Variants in NRXN3 observed in about 807,000 individuals in gnomAD.
The protein encoded by NRXN3 is neurexin III.
In NRXN3, 32 loss-of-function variants were observed where a neutral mutation model predicts 137.6. The observed-to-expected ratio is 0.23, with a 90% CI of 0.18 to 0.31. The LOEUF (loss-of-function observed/expected upper bound fraction) is 0.31, where lower values mean the gene tolerates loss of function less well. Ranked by LOEUF, NRXN3 falls within the 10% of genes least tolerant of loss-of-function variation. The pLI, the probability that NRXN3 is intolerant of heterozygous loss-of-function variation, is 1.00. For synonymous variants in NRXN3, 798 were observed against 784.5 expected, an observed-to-expected ratio of 1.02 and a Z score of -0.29; for missense variants, 1,574 against 2,062.5, an observed-to-expected ratio of 0.76 and a Z score of 4.59.
At chr14:78,889,025 C>A (rs1392134071) in intron 10 of NRXN3, among the ~76,000 whole-genome samples, 1 of 151,894 alleles carries the variant, frequency 6.6e-6, no homozygotes, top group Non-Finnish European at 1.5e-5. Context: ...TTGATTATGT[C>A]AGATGGAATC....
chr14:79,279,765 T>C, intron 15 of NRXN3: 1 of 988,268 alleles, frequency 1.0e-6, no homozygotes, highest in Non-Finnish European at 1.2e-6. Context: ...AGCCCCCTTT[T>C]GCCTGGCAGT....
At chr14:78,373,420 G>T (rs1197558313) in intron 4 of NRXN3, among the ~76,000 whole-genome samples, 1 of 152,216 alleles carries the variant, frequency 6.6e-6, no homozygotes, top group Non-Finnish European at 1.5e-5. Context: ...TATTCCACCT[G>T]TGTGGAGATA....
At chr14:78,816,513 C>A (rs74964814) in intron 10 of NRXN3, among the ~76,000 whole-genome samples, 2,488 of 152,132 alleles carry the variant, frequency 0.016, 74 homozygotes, top group African/African-American at 0.057. Context: ...GTCTAATAGC[C>A]ACATAACATT....
At chr14:79,307,164 ATGGG>A (rs1333762618) in intron 15 of NRXN3, among the ~76,000 whole-genome samples, 1 of 152,024 alleles carries the variant, frequency 6.6e-6, no homozygotes, top group Non-Finnish European at 1.5e-5. Context: ...CTCCTTATTC[ATGGG>A]TTTTATTACT....
At chr14:79,275,695 C>T (rs74067956) in intron 15 of NRXN3, among the ~76,000 whole-genome samples, 2,661 of 151,796 alleles carry the variant, frequency 0.018, 80 homozygotes, top group African/African-American at 0.06. Flanking sequence ...AAGATGCTCA[C>T]ACCTTACCCT....
intron 10 of NRXN3, among the ~76,000 whole-genome samples, chr14:78,897,015 T>C (rs2099178479): frequency 6.6e-6 from 1 of 151,908 alleles, no homozygotes; most frequent in African/African-American, 2.4e-5. Context: ...GAAAGTTTTA[T>C]TTAAATACAG....
chr14:79,237,376 T>C (rs367704028), intron 15 of NRXN3, among the ~76,000 whole-genome samples: 2 of 152,050 alleles, frequency 1.3e-5, no homozygotes, highest in Non-Finnish European at 2.9e-5. Context: ...GCTGGGGATA[T>C]TAGAAACAGA....
intron 16 of NRXN3, among the ~76,000 whole-genome samples, chr14:79,498,242 C>T (rs1311136145): frequency 6.6e-6 from 1 of 152,122 alleles, no homozygotes; most frequent in Non-Finnish European, 1.5e-5. Context: ...CCTACTTACT[C>T]CTGGGAACTA....
intron 15 of NRXN3, among the ~76,000 whole-genome samples, chr14:79,463,203 T>C (rs773686589): frequency 4.6e-5 from 7 of 152,160 alleles, no homozygotes; most frequent in Non-Finnish European, 1.0e-4. Context: ...TGGAGAAATA[T>C]GTGGATGAGA....
chr14:78,821,615 T>A (rs572894383), intron 10 of NRXN3, among the ~76,000 whole-genome samples: 1 of 151,882 alleles, frequency 6.6e-6, no homozygotes, highest in African/African-American at 2.4e-5. Context: ...GCAACACACA[T>A]GTAGTGTGTT....
chr14:78,523,889 A>G (rs2096332227), intron 4 of NRXN3, among the ~76,000 whole-genome samples: 1 of 150,206 alleles, frequency 6.7e-6, no homozygotes, highest in Non-Finnish European at 1.5e-5. Flanking sequence ...ACTCAAGTCT[A>G]TGTGGGTCTG....
intron 16 of NRXN3, among the ~76,000 whole-genome samples, chr14:79,661,272 A>G (rs1177846404): frequency 6.6e-6 from 1 of 152,160 alleles, no homozygotes; most frequent in Admixed American, 6.6e-5. Context: ...AGAACAGAAC[A>G]TGGGGATTGC....
chr14:78,779,012 T>C (rs7145730), intron 8 of NRXN3, among the ~76,000 whole-genome samples: 57,792 of 151,548 alleles, frequency 0.38, 16,428 homozygotes, highest in African/African-American at 0.8. Flanking sequence ...ACAAGGACCC[T>C]GGAAAATGAA....
At chr14:79,179,785 A>G (rs963298533) in intron 15 of NRXN3, among the ~76,000 whole-genome samples, 1 of 152,204 alleles carries the variant, frequency 6.6e-6, no homozygotes, top group African/African-American at 2.4e-5. Flanking sequence ...TCCAGAGAAC[A>G]TTGTGAATAT....
At chr14:78,440,659 C>T (rs1412264359) in intron 4 of NRXN3, among the ~76,000 whole-genome samples, 1 of 151,966 alleles carries the variant, frequency 6.6e-6, no homozygotes, top group Non-Finnish European at 1.5e-5. Flanking sequence ...TATGTTCGTC[C>T]TGTAGGCTCC....
At chr14:79,669,984 T>G (rs2098597739) in intron 17 of NRXN3, among the ~76,000 whole-genome samples, 1 of 152,118 alleles carries the variant, frequency 6.6e-6, no homozygotes, top group Non-Finnish European at 1.5e-5. Context: ...CTACCGGTAC[T>G]GTTCAATGTG....
At chr14:79,592,263 G>A (rs559843448) in intron 16 of NRXN3, among the ~76,000 whole-genome samples, 1 of 152,192 alleles carries the variant, frequency 6.6e-6, no homozygotes, top group African/African-American at 2.4e-5. Context: ...AATTACAACT[G>A]AGTCTCAAAG....
intron 15 of NRXN3, among the ~76,000 whole-genome samples, chr14:79,027,889 C>T (rs1425121351): frequency 1.3e-5 from 2 of 152,068 alleles, no homozygotes; most frequent in African/African-American, 4.8e-5. Flanking sequence ...TGCTTTAGAC[C>T]TTGTCTTTGG....
At chr14:79,681,224 C>T (rs1162429103) in intron 17 of NRXN3, among the ~76,000 whole-genome samples, 2 of 152,286 alleles carry the variant, frequency 1.3e-5, no homozygotes, top group African/African-American at 4.8e-5. Flanking sequence ...GAGACTGCAA[C>T]GGAGCTGCTT....
Sources: allele counts gnomAD v4.1 joint callset (sites outside exome capture counted in the v4.1 genomes callset), GRCh38; gene constraint gnomAD v4.1.1; transcripts MANE v1.5; gene names NCBI Gene and HGNC (gene_info 2026-07-23, HGNC 2026-07-21).